Variants in CAMTA1 observed in about 807,000 individuals in gnomAD.
CAMTA1 encodes the protein calmodulin-binding transcription activator 1.
Under a neutral mutation model 170.9 loss-of-function variants are expected in CAMTA1, and 27 were observed. The ratio of observed to expected loss-of-function variants is 0.16; its 90% CI spans 0.12 to 0.22. The LOEUF is 0.22. CAMTA1 is among the 10% of genes least tolerant of loss of function. The pLI, the probability that CAMTA1 is intolerant of heterozygous loss-of-function variation, is 1.00. For synonymous variants in CAMTA1, 833 were observed against 891.5 expected (o/e 0.93, Z 1.17); for missense variants, 1,619 against 2,217.2 (o/e 0.73, Z 5.42).
chr1:7,024,275 G>A (rs1297566641), intron 3 of CAMTA1, among the ~76,000 whole-genome samples: 1 of 152,060 alleles, frequency 6.6e-6, no homozygotes, highest in Non-Finnish European at 1.5e-5. Flanking sequence ...AAATGAACAT[G>A]GAATTGCAGG....
In CAMTA1 at chr1:7,222,645, T is replaced by C. The variant is rs530579155; in HGVS notation, c.303-26846T>C. ...GTTCCAAGGGGCCCAGCCACCATAT[T>C]GATTGTTTCATCCCTCTGCACTGCC... On this transcript the variant is annotated intron_variant, in intron 4 of 22. Transcript: ENST00000303635. 7.2e-5 allele frequency among the ~76,000 whole-genome samples: 11 copies of C among 152,248 alleles called. No individual in the cohort carries two copies. In the South Asian group the frequency reaches 2.3e-3, roughly 32 times the overall value.
chr1:7,164,357 TTTA>T (rs1234166271), intron 4 of CAMTA1, among the ~76,000 whole-genome samples: 1 of 152,178 alleles, frequency 6.6e-6, no homozygotes, highest in Admixed American at 6.5e-5. Context: ...TTGAGTTGAA[TTTA>T]TTATCATTTT....
chr1:6,956,651 C>G (rs536027701), intron 3 of CAMTA1, among the ~76,000 whole-genome samples: 7 of 152,142 alleles, frequency 4.6e-5, no homozygotes, highest in Non-Finnish European at 1.0e-4. Context: ...AAGAGATAAC[C>G]AGGCTTAATG....
chr1:6,822,122 A>T (rs146732147), intron 2 of CAMTA1, among the ~76,000 whole-genome samples: 116 of 152,278 alleles, frequency 7.6e-4, no homozygotes, highest in Non-Finnish European at 1.2e-3. Flanking sequence ...TTCAGTGTCA[A>T]AGTTCAACTA....
rs1463026609 is a variant in CAMTA1 at position 7,674,540 on chromosome 1, AG to A, written c.2780-3057del. Among the ~76,000 whole-genome samples, 2 of 152,216 alleles carry A rather than the reference AG, an allele frequency of 1.3e-5. No individual in the cohort carries two copies. Among genetic ancestry groups the A allele is most frequent in the Admixed American group, 6.5e-5 (1 of 15,284 alleles). Reference sequence around the variant, plus strand: ...ATGCCTGTAATCCTAGCATGTTGGGAGGCCGAGGCGGGCGGATCACTTGAAG... The same window carrying A: ...ATGCCTGTAATCCTAGCATGTTGGGAGCCGAGGCGGGCGGATCACTTGAAG... On this transcript the variant is annotated intron_variant, in intron 10 of 22. Transcript: ENST00000303635. The surrounding 1 kb of genome is among the most constrained non-coding windows in gnomAD (Gnocchi z 4.1).
At chr1:7,498,418 TGTGTGGATGTGC>T (rs2093879104) in intron 6 of CAMTA1, among the ~76,000 whole-genome samples, 1 of 149,760 alleles carries the variant, frequency 6.7e-6, no homozygotes, top group Non-Finnish European at 1.5e-5. Context: ...TGTGTATGAG[TGTGTGGATGTGC>T]GTGTGTATGA....
At chr1:7,052,579 C>T (rs963667907) in intron 3 of CAMTA1, among the ~76,000 whole-genome samples, 5 of 152,298 alleles carry the variant, frequency 3.3e-5, no homozygotes, top group African/African-American at 1.2e-4. Flanking sequence ...GGTCCCTCCT[C>T]GCCCACGTGC....
At chr1:7,408,326 C>T (rs1007130077) in intron 5 of CAMTA1, among the ~76,000 whole-genome samples, 2 of 152,254 alleles carry the variant, frequency 1.3e-5, no homozygotes, top group Non-Finnish European at 2.9e-5. Flanking sequence ...AGCTGCTCCG[C>T]GTGTCTGTGG....
intron 3 of CAMTA1, chr1:6,873,923 A>G (rs1417818305): frequency 6.6e-6 from 1 of 152,260 alleles, no homozygotes; most frequent in African/African-American, 2.4e-5. Flanking sequence ...TGTTACTGGT[A>G]TCTGTTGAGG....
At chr1:7,205,402 C>T (rs1657549726) in intron 4 of CAMTA1, among the ~76,000 whole-genome samples, 1 of 152,222 alleles carries the variant, frequency 6.6e-6, no homozygotes, top group Non-Finnish European at 1.5e-5. Context: ...CATGCCCGGC[C>T]TCCAACTACT....
intron 11 of CAMTA1, chr1:7,698,359 C>T (rs911482856): frequency 2.0e-5 from 3 of 152,246 alleles, no homozygotes; most frequent in African/African-American, 7.2e-5. Context: ...TCAAAGCTGT[C>T]CTGGCTGGCA....
intron 4 of CAMTA1, chr1:7,219,224 G>A (rs537582355): frequency 1.3e-5 from 2 of 151,314 alleles, no homozygotes; most frequent in South Asian, 4.2e-4. Context: ...CTGTGTTTAC[G>A]GTTGGACTCA....
intron 6 of CAMTA1, among the ~76,000 whole-genome samples, chr1:7,479,052 G>T (rs1018337189): frequency 6.6e-6 from 1 of 152,226 alleles, no homozygotes; most frequent in African/African-American, 2.4e-5. Flanking sequence ...CACTCTGCGT[G>T]TGGACGTCAG....
intron 3 of CAMTA1, among the ~76,000 whole-genome samples, chr1:6,906,225 G>A (rs1210705513): frequency 6.6e-6 from 1 of 152,124 alleles, no homozygotes; most frequent in East Asian, 1.9e-4. Flanking sequence ...TGAGGGAGGA[G>A]GGAGAAGAAT....
At chr1:7,211,196 G>A (rs182928951) in intron 4 of CAMTA1, among the ~76,000 whole-genome samples, 1 of 152,214 alleles carries the variant, frequency 6.6e-6, no homozygotes, top group African/African-American at 2.4e-5. Context: ...AAACACTTTG[G>A]CAGGCATGAT....
intron 3 of CAMTA1, among the ~76,000 whole-genome samples, chr1:7,051,155 C>T (rs1194629716): frequency 4.6e-5 from 7 of 152,122 alleles, no homozygotes; most frequent in South Asian, 4.2e-4. Context: ...GAGTGCTTAG[C>T]GGAAGGTTGA....
At chr1:6,978,199 A>T (rs893119712) in intron 3 of CAMTA1, among the ~76,000 whole-genome samples, 1 of 152,250 alleles carries the variant, frequency 6.6e-6, no homozygotes, top group African/African-American at 2.4e-5. Context: ...ACTTAATTGT[A>T]CATTTGAAAA....
rs1405567642 is a variant in CAMTA1 at position 7,561,921 on chromosome 1, T to A, written c.511-78479T>A. ...CAGCATGTGTCACCAGGCACTCCATTTCCTGGGCTCCATTTTTCCCCTGAC... is the reference window on the plus strand; with the variant it reads ...CAGCATGTGTCACCAGGCACTCCATATCCTGGGCTCCATTTTTCCCCTGAC... On this transcript the variant is annotated intron_variant, in intron 6 of 22. Transcript: ENST00000303635. The surrounding 1 kb of genome is among the most constrained non-coding windows in gnomAD (Gnocchi z 5.3). Among the ~76,000 whole-genome samples, 2 of 152,206 alleles carry A rather than the reference T, an allele frequency of 1.3e-5. No homozygotes were observed. Among genetic ancestry groups the A allele is most frequent in the Non-Finnish European group, 2.9e-5 (2 of 68,040 alleles).
At position 7,595,612 on chromosome 1, in the gene CAMTA1, C is replaced by T. The variant is rs574569318; in HGVS notation, c.511-44788C>T. The stretch of plus-strand genomic sequence containing the variant: ...GCTCCAGACCCTGGAGGCTGAGAAG[C>T]CACTGGATCTTCACAACAACCCTCT... On this transcript the variant is annotated intron_variant, in intron 6 of 22. Transcript: ENST00000303635. Among the ~76,000 whole-genome samples, 180 of 152,304 alleles carry T rather than the reference C, an allele frequency of 1.2e-3. 1 individual carries two copies. The highest frequency in any genetic ancestry group is 2.7e-3 in the Admixed American group (42 of 15,298).
Sources: allele counts gnomAD v4.1 joint callset (sites outside exome capture counted in the v4.1 genomes callset), GRCh38; gene constraint gnomAD v4.1.1; non-coding constraint Gnocchi (gnomAD v3.1); transcripts MANE v1.5; gene names NCBI Gene and HGNC (gene_info 2026-07-23, HGNC 2026-07-21).